The following DLG2 variants were observed in gnomAD, a reference collection of about 807,000 sequenced individuals.
DLG2 encodes the protein discs large MAGUK scaffold protein 2, also known as disks large homolog 2.
In DLG2, 45 loss-of-function variants were observed where a neutral mutation model predicts 132.5. The observed-to-expected ratio is 0.34, with a 90% CI of 0.27 to 0.44. The LOEUF is 0.44. Ranked by LOEUF, DLG2 falls within the 20% of genes least tolerant of loss-of-function variation. The pLI is 1.00. For synonymous variants in DLG2, 424 were observed against 419.6 expected (o/e 1.01, Z -0.13); for missense variants, 1,045 against 1,196.9 (o/e 0.87, Z 1.87).
intron 5 of DLG2, among the ~76,000 whole-genome samples, chr11:85,134,528 CAAAAAAAA>C (rs58266385): frequency 1.4e-3 from 48 of 34,946 alleles, no homozygotes; most frequent in Admixed American, 2.6e-3. Flanking sequence ...GACTCCGTCT[CAAAAAAAA>C]AAAAAAAAAA....
At chr11:84,315,530 G>T (rs1189234951) in intron 7 of DLG2, among the ~76,000 whole-genome samples, 1 of 152,130 alleles carries the variant, frequency 6.6e-6, no homozygotes, top group East Asian at 1.9e-4. Flanking sequence ...ATTTGTTAAA[G>T]AGTATATACA....
At chr11:84,366,809 A>G (rs2098685854) in intron 7 of DLG2, among the ~76,000 whole-genome samples, 1 of 152,118 alleles carries the variant, frequency 6.6e-6, no homozygotes, top group African/African-American at 2.4e-5. Flanking sequence ...CAGATTCATA[A>G]AGCAAGTCCT....
intron 18 of DLG2, among the ~76,000 whole-genome samples, chr11:83,667,750 C>T (rs7106608): frequency 0.44 from 66,809 of 151,518 alleles, 16,152 homozygotes; most frequent in African/African-American, 0.64. Context: ...GAGGCCGAGG[C>T]GGGCGGATCA....
chr11:84,522,547 T>G (rs1225443472), intron 7 of DLG2, among the ~76,000 whole-genome samples: 1 of 152,190 alleles, frequency 6.6e-6, no homozygotes, highest in Admixed American at 6.5e-5. Flanking sequence ...GCCTTCAGAG[T>G]GACTTTGGTG....
intron 6 of DLG2, among the ~76,000 whole-genome samples, chr11:84,671,362 C>T: frequency 6.6e-6 from 1 of 152,018 alleles, no homozygotes; most frequent in East Asian, 1.9e-4. Context: ...CTAGGCCTAC[C>T]AAAGTGCTGG....
intron 6 of DLG2, among the ~76,000 whole-genome samples, chr11:84,608,857 T>C (rs1201392136): frequency 6.6e-6 from 1 of 152,218 alleles, no homozygotes; most frequent in Non-Finnish European, 1.5e-5. Context: ...TATGTAAATG[T>C]TTATTCCCAT....
chr11:84,203,487 CAGG>C (rs2096623525), intron 8 of DLG2, among the ~76,000 whole-genome samples: 1 of 143,586 alleles, frequency 7.0e-6, no homozygotes, highest in Non-Finnish European at 1.5e-5. Context: ...GAGGCTGGGG[CAGG>C]AGAATGGCGT....
At chr11:84,790,175 G>A (rs2073596298) in intron 6 of DLG2, among the ~76,000 whole-genome samples, 1 of 152,140 alleles carries the variant, frequency 6.6e-6, no homozygotes, top group Non-Finnish European at 1.5e-5. Flanking sequence ...GTTCTCCAAA[G>A]AGGTTGTACT....
At chr11:84,139,456 G>A (rs1442346656) in intron 9 of DLG2, among the ~76,000 whole-genome samples, 1 of 151,676 alleles carries the variant, frequency 6.6e-6, no homozygotes, top group Non-Finnish European at 1.5e-5. Flanking sequence ...ATTGACGCTG[G>A]TTTCTCAAGG....
chr11:85,467,608 A>T (rs988245899), intron 3 of DLG2, among the ~76,000 whole-genome samples: 1 of 152,232 alleles, frequency 6.6e-6, no homozygotes. Flanking sequence ...ATGCTGGATT[A>T]CATTTATTGA....
At chr11:84,409,397 C>T (rs2098885532) in intron 7 of DLG2, among the ~76,000 whole-genome samples, 1 of 152,096 alleles carries the variant, frequency 6.6e-6, no homozygotes, top group Non-Finnish European at 1.5e-5. Context: ...TGTTTGAAGG[C>T]TTTTGTCAAG....
At chr11:85,227,709 C>T (rs2075058407) in intron 4 of DLG2, among the ~76,000 whole-genome samples, 1 of 152,076 alleles carries the variant, frequency 6.6e-6, no homozygotes, top group Non-Finnish European at 1.5e-5. Context: ...CCAATGGCTT[C>T]CCATCTCATT....
At chr11:85,254,536 T>G (rs2076565744) in intron 4 of DLG2, among the ~76,000 whole-genome samples, 1 of 152,166 alleles carries the variant, frequency 6.6e-6, no homozygotes, top group South Asian at 2.1e-4. Context: ...TTTATTTCTT[T>G]GTTATTAAGA....
chr11:85,445,449 G>A (rs1163094902), intron 3 of DLG2, among the ~76,000 whole-genome samples: 2 of 152,138 alleles, frequency 1.3e-5, no homozygotes, highest in Non-Finnish European at 2.9e-5. Context: ...TGGCCAAGGT[G>A]GGTGGATCAC....
intron 19 of DLG2, among the ~76,000 whole-genome samples, chr11:83,609,568 C>T (rs995952180): frequency 3.9e-5 from 6 of 152,112 alleles, no homozygotes; most frequent in Admixed American, 6.5e-5. Flanking sequence ...AACCCAAAAA[C>T]GAAAATGTAT....
intron 6 of DLG2, among the ~76,000 whole-genome samples, chr11:85,070,377 A>G (rs2065665161): frequency 6.6e-6 from 1 of 151,662 alleles, no homozygotes; most frequent in African/African-American, 2.4e-5. Flanking sequence ...AGCACTATTC[A>G]CAATACCACA....
chr11:85,152,623 A>T (rs2077331770), intron 5 of DLG2, among the ~76,000 whole-genome samples: 1 of 152,186 alleles, frequency 6.6e-6, no homozygotes, highest in Non-Finnish European at 1.5e-5. Flanking sequence ...CTCACTTTAG[A>T]TTAGGGTTTA....
intron 6 of DLG2, among the ~76,000 whole-genome samples, chr11:84,769,159 T>C (rs1471918837): frequency 2.6e-5 from 4 of 151,888 alleles, no homozygotes; most frequent in Admixed American, 6.6e-5. Flanking sequence ...AATTCAGAAA[T>C]GACAGATAAA....
At chr11:84,275,191 A>AGCATGTCC (rs1248509939) in intron 7 of DLG2, among the ~76,000 whole-genome samples, 4 of 152,098 alleles carry the variant, frequency 2.6e-5, no homozygotes, top group Non-Finnish European at 4.4e-5. Flanking sequence ...TCCTTTAAAG[A>AGCATGTCC]GCATGTCCTA....
Sources: allele counts gnomAD v4.1 joint callset (sites outside exome capture counted in the v4.1 genomes callset), GRCh38; gene constraint gnomAD v4.1.1; transcripts MANE v1.5; gene names NCBI Gene and HGNC (gene_info 2026-07-23, HGNC 2026-07-21).